Variants in ZNF367 observed in about 807,000 individuals in gnomAD.
The protein encoded by ZNF367 is zinc finger protein 367.
Under a neutral mutation model 31.8 loss-of-function variants are expected in ZNF367, and 11 were observed. That is an observed-to-expected ratio of 0.35 (90% CI 0.22 to 0.57). The LOEUF (loss-of-function observed/expected upper bound fraction) is 0.57. Among genes scored for constraint, ZNF367 ranks in the 20% least tolerant of loss-of-function variants. The pLI, the probability that ZNF367 is intolerant of heterozygous loss-of-function variation, is 0.85. For missense variants in ZNF367, 353 were observed against 484.1 expected (o/e 0.73, Z 2.54); for synonymous variants, 199 against 202.4 (o/e 0.98, Z 0.14).
chr9:96,402,815 T>G, intron 1 of ZNF367, among the ~76,000 whole-genome samples: 1 of 151,510 alleles, frequency 6.6e-6, no homozygotes. Flanking sequence ...AGGCAGAAGA[T>G]CCACAAAGAT....
chr9:96,409,956 A>T (rs990546171), intron 1 of ZNF367, among the ~76,000 whole-genome samples: 1 of 152,264 alleles, frequency 6.6e-6, no homozygotes, highest in South Asian at 2.1e-4. Context: ...CTGTTAAGAA[A>T]GAAACAGAAC....
chr9:96,388,306 C>G lies in ZNF367; in HGVS notation c.984G>C (p.Arg328=), dbSNP rs750536841. ...GCGCGAGGGCTCCATGCAGGCGCTC[C>G]CGCTGCTCCTGCAGCCGGCGCTGGG... The part of the protein sequence containing the change: ...RGAQRRLQEQ[R]ERLHGALALI... The change falls in exon 5 of 5, where the codon CGG becomes CGC. Residue 328 remains arginine, a synonymous_variant. Transcript: ENST00000375256. The G allele has an allele frequency of 2.5e-6, 4 of 1,612,186 alleles. No homozygotes were observed. Among genetic ancestry groups the G allele is most frequent in the Non-Finnish European group, 3.4e-6 (4 of 1,180,040 alleles).
chr9:96,412,135 G>C (rs1012788256), intron 1 of ZNF367, among the ~76,000 whole-genome samples: 1 of 151,968 alleles, frequency 6.6e-6, no homozygotes, highest in African/African-American at 2.4e-5. Context: ...TCTTCCTTTT[G>C]GCCTTAACAA....
chr9:96,413,577 T>C (rs1831780621), intron 1 of ZNF367, among the ~76,000 whole-genome samples: 1 of 152,096 alleles, frequency 6.6e-6, no homozygotes, highest in African/African-American at 2.4e-5. Flanking sequence ...AAATGCAGTC[T>C]TAGTAGAGGG....
chr9:96,388,684 T>C (rs1173350789), intron 4 of ZNF367, among the ~76,000 whole-genome samples: 3 of 152,210 alleles, frequency 2.0e-5, no homozygotes, highest in Admixed American at 2.0e-4. Context: ...CAGTTCTAGA[T>C]CTTCTACTCA....
chr9:96,405,088 A>G (rs1407393670), intron 1 of ZNF367, among the ~76,000 whole-genome samples: 1 of 152,108 alleles, frequency 6.6e-6, no homozygotes, highest in African/African-American at 2.4e-5. Flanking sequence ...TTGGGAGGCC[A>G]AGGTGGGTGG....
rs771290139 is a variant in ZNF367 at position 96,398,124 on chromosome 9, T to C, written c.571+40A>G. 3 of 805,906 alleles carry C rather than the reference T, an allele frequency of 3.7e-6. 1 individual carries two copies. Among genetic ancestry groups the C allele is most frequent in the South Asian group, 5.2e-5 (2 of 38,626 alleles). The allele number at this position is 805,906 out of a possible 1,614,324, so 49.9% of individuals were successfully genotyped here. A position where few individuals can be genotyped will look rare whatever the true frequency, so the allele number is the denominator to read the frequency against. On this transcript the variant is annotated intron_variant, in intron 2 of 4. Coordinates refer to ENST00000375256, the MANE Select transcript of ZNF367 (RefSeq NM_153695.4). ...AAAAAAAAAAAAAAAAAAAAAAAAGTGTTACTTCTGGCAGTCTCTATAAAA... is the reference window on the plus strand; with the variant it reads ...AAAAAAAAAAAAAAAAAAAAAAAAGCGTTACTTCTGGCAGTCTCTATAAAA...
intron 1 of ZNF367, among the ~76,000 whole-genome samples, chr9:96,415,394 G>C (rs1831807791): frequency 6.6e-6 from 1 of 150,392 alleles, no homozygotes; most frequent in Non-Finnish European, 1.5e-5. Flanking sequence ...ATCTCACTAG[G>C]GGATACCTAG....
chr9:96,413,190 C>CT (rs1831774495), intron 1 of ZNF367, among the ~76,000 whole-genome samples: 1 of 152,162 alleles, frequency 6.6e-6, no homozygotes, highest in South Asian at 2.1e-4. Context: ...CTTGGGGACT[C>CT]TAATTTCTCA....
chr9:96,400,148 A>G (rs1427865006), intron 1 of ZNF367, among the ~76,000 whole-genome samples: 1 of 152,202 alleles, frequency 6.6e-6, no homozygotes, highest in East Asian at 1.9e-4. Context: ...TTTTAAATCA[A>G]CTGTCTTAAA....
intron 1 of ZNF367, among the ~76,000 whole-genome samples, chr9:96,405,465 A>T (rs1831660980): frequency 6.6e-6 from 1 of 152,172 alleles, no homozygotes; most frequent in Non-Finnish European, 1.5e-5. Context: ...TTTTTTTATT[A>T]AAAATGTAGA....
chr9:96,395,005 G>T, intron 2 of ZNF367, 63 bp from the exon 3 acceptor site: 1 of 1,585,720 alleles, frequency 6.3e-7, no homozygotes, highest in South Asian at 1.1e-5. Flanking sequence ...AGGGGGATGG[G>T]GAGAGAATCA....
chr9:96,393,300 G>A (rs1435554169), intron 3 of ZNF367, among the ~76,000 whole-genome samples: 1 of 148,940 alleles, frequency 6.7e-6, no homozygotes, highest in Non-Finnish European at 1.5e-5. Context: ...GAGGCGGGTG[G>A]ATCACCTGAG....
intron 1 of ZNF367, among the ~76,000 whole-genome samples, chr9:96,412,603 CCA>C (rs1395046966): frequency 3.3e-5 from 5 of 152,062 alleles, no homozygotes; most frequent in Middle Eastern, 3.2e-3. Context: ...AGTTTTAATT[CCA>C]GTTTATTGAA....
intron 1 of ZNF367, among the ~76,000 whole-genome samples, chr9:96,401,347 G>A (rs912000254): frequency 6.6e-6 from 1 of 152,060 alleles, no homozygotes; most frequent in Admixed American, 6.6e-5. Context: ...CCAACATGGC[G>A]AAACCCTGCC....
intron 4 of ZNF367, among the ~76,000 whole-genome samples, chr9:96,388,679 C>T (rs1269982030): frequency 2.6e-5 from 4 of 152,202 alleles, no homozygotes; most frequent in African/African-American, 9.6e-5. Context: ...CCTGGCAGTT[C>T]TAGATCTTCT....
At chr9:96,416,072 G>GC (rs1554721750) in intron 1 of ZNF367, among the ~76,000 whole-genome samples, 84 of 139,556 alleles carry the variant, frequency 6.0e-4, no homozygotes, top group African/African-American at 2.0e-3. Flanking sequence ...CTCTGTTATG[G>GC]TTTTTTTTTT....
chr9:96,389,896 ATTTTTTTTTT>A (rs777507011), intron 4 of ZNF367, among the ~76,000 whole-genome samples: 1 of 94,052 alleles, frequency 1.1e-5, no homozygotes. Context: ...TGCCTGGCTA[ATTTTTTTTTT>A]TTTTTTTTTT....
chr9:96,410,498 C>T (rs1289144141), intron 1 of ZNF367, among the ~76,000 whole-genome samples: 1 of 134,040 alleles, frequency 7.5e-6, no homozygotes. Flanking sequence ...GGAGGCGGAG[C>T]TTGCAGTGAG....
Sources: gnomAD v4.1 joint callset for allele counts (sites outside exome capture counted in the v4.1 genomes callset) on GRCh38, gnomAD v4.1.1 for gene constraint, MANE v1.5 for transcripts, NCBI Gene and HGNC (gene_info 2026-07-23, HGNC 2026-07-21) for gene names.